DOCK3: variants seen among roughly 807,000 people sequenced by gnomAD.
The protein encoded by DOCK3 is dedicator of cytokinesis 3.
DOCK3 carries 60 observed loss-of-function variants against 265.6 expected under a neutral mutation model. That is an observed-to-expected ratio of 0.23 (90% CI 0.18 to 0.28). DOCK3 has a LOEUF of 0.28. Among genes scored for constraint, DOCK3 ranks in the 10% least tolerant of loss-of-function variants. The pLI is 1.00. For synonymous variants in DOCK3, 881 were observed against 938.0 expected, an observed-to-expected ratio of 0.94 and a Z score of 1.11; for missense variants, 1,981 against 2,594.3, an observed-to-expected ratio of 0.76 and a Z score of 5.14.
At chr3:51,156,189 CA>C (rs1261497893) in intron 10 of DOCK3, among the ~76,000 whole-genome samples, 2 of 151,536 alleles carry the variant, frequency 1.3e-5, no homozygotes, top group African/African-American at 4.8e-5. Context: ...CATTATCTCC[CA>C]AAAAAAAGGA....
At chr3:51,264,301 G>C (rs544225723) in intron 23 of DOCK3, among the ~76,000 whole-genome samples, 1 of 152,252 alleles carries the variant, frequency 6.6e-6, no homozygotes, top group East Asian at 1.9e-4. Context: ...ACCTGCTCCT[G>C]AATGACTACT....
chr3:50,721,116 C>T (rs2037453814), intron 1 of DOCK3, among the ~76,000 whole-genome samples: 1 of 151,814 alleles, frequency 6.6e-6, no homozygotes, highest in African/African-American at 2.4e-5. Context: ...TTGTTGGATG[C>T]ATAGTTTGCA....
chr3:51,188,841 A>G (rs915823112), intron 12 of DOCK3, among the ~76,000 whole-genome samples: 1 of 151,612 alleles, frequency 6.6e-6, no homozygotes. Flanking sequence ...TTATCTGTTC[A>G]TTCATTGAAC....
intron 4 of DOCK3, among the ~76,000 whole-genome samples, chr3:50,906,760 T>G (rs2049529686): frequency 6.6e-6 from 1 of 152,132 alleles, no homozygotes; most frequent in Non-Finnish European, 1.5e-5. Flanking sequence ...TCTCCTTCAG[T>G]TCTGCTCTGA....
chr3:50,990,204 A>G (rs2078056240), intron 5 of DOCK3, among the ~76,000 whole-genome samples: 1 of 152,198 alleles, frequency 6.6e-6, no homozygotes, highest in Admixed American at 6.5e-5. Flanking sequence ...AGGCAGGGGG[A>G]GAAAGTAAAA....
intron 14 of DOCK3, among the ~76,000 whole-genome samples, chr3:51,217,172 G>T (rs2089835715): frequency 6.6e-6 from 1 of 151,352 alleles, no homozygotes; most frequent in African/African-American, 2.4e-5. Flanking sequence ...TTTTGGTCAG[G>T]ATGGCCCAGA....
At chr3:51,148,223 T>G (rs1017371007) in intron 10 of DOCK3, among the ~76,000 whole-genome samples, 1 of 152,246 alleles carries the variant, frequency 6.6e-6, no homozygotes, top group Admixed American at 6.5e-5. Context: ...TTTAATTTCT[T>G]TGTAGATTCT....
intron 4 of DOCK3, among the ~76,000 whole-genome samples, chr3:50,895,679 C>T (rs1169580156): frequency 4.6e-5 from 7 of 152,096 alleles, no homozygotes; most frequent in Non-Finnish European, 1.0e-4. Context: ...CCCCAACCCC[C>T]AACAGGCCCC....
At chr3:51,197,457 C>G (rs1406914136) in intron 12 of DOCK3, among the ~76,000 whole-genome samples, 1 of 152,096 alleles carries the variant, frequency 6.6e-6, no homozygotes. Flanking sequence ...TTGGTGGTGG[C>G]TCTGATGGGC....
Position 51,348,833 on chromosome 3 carries a change from G to A in DOCK3, c.3916-19G>A. 6.4e-7 allele frequency: 1 copy of A among 1,561,150 alleles called. No individual in the cohort carries two copies. The highest frequency in any genetic ancestry group is 8.7e-7 in the Non-Finnish European group (1 of 1,152,128). ...TCTGAAGATGAGATGCTGAAGCCCT[G>A]TTTCTGTTTCTGACACAGAGCTGGG... is the stretch of plus-strand genomic sequence containing the variant. On this transcript the variant is annotated intron_variant, in intron 38 of 52. Coordinates refer to ENST00000266037, the MANE Select transcript of DOCK3 (RefSeq NM_004947.5).
chr3:50,930,663 C>A (rs1426666464), intron 4 of DOCK3, among the ~76,000 whole-genome samples: 2 of 152,232 alleles, frequency 1.3e-5, no homozygotes, highest in African/African-American at 4.8e-5. Flanking sequence ...TGGCTTGGGG[C>A]CCTGCCCAGG....
At chr3:50,843,838 TACTA>T (rs2045956490) in intron 3 of DOCK3, among the ~76,000 whole-genome samples, 1 of 152,226 alleles carries the variant, frequency 6.6e-6, no homozygotes, top group African/African-American at 2.4e-5. Context: ...AAGACAGTAT[TACTA>T]ACTGAATTTC....
At chr3:50,778,838 T>A in intron 2 of DOCK3, 80 bp downstream of exon 2, 1 of 965,978 alleles carries the variant, frequency 1.0e-6, no homozygotes, top group South Asian at 2.1e-5. Context: ...CTAATAAGAT[T>A]ATAAGCAATA....
chr3:50,892,155 C>T (rs544052734), intron 4 of DOCK3, among the ~76,000 whole-genome samples: 1 of 152,154 alleles, frequency 6.6e-6, no homozygotes, highest in African/African-American at 2.4e-5. Flanking sequence ...TCTTGAGAGG[C>T]TATGATCTTT....
At position 51,333,256 on chromosome 3, in the gene DOCK3, A is replaced by G. The variant is rs766727928; in HGVS notation, c.3611+3A>G. The G allele has an allele frequency of 2.5e-6, 4 of 1,611,984 alleles. No individual in the cohort carries two copies. The highest frequency in any genetic ancestry group is 1.7e-6 in the Non-Finnish European group (2 of 1,179,696). On this transcript the variant is annotated splice_donor_region_variant and intron_variant, in intron 35 of 52. Coordinates refer to ENST00000266037, the MANE Select transcript of DOCK3 (RefSeq NM_004947.5). Reference sequence around the variant, plus strand: ...ATGGAACGTCTTCTTGACTACAGGTATCTTCTCAGCCACCCGCTCCCCTCT... The same window carrying G: ...ATGGAACGTCTTCTTGACTACAGGTGTCTTCTCAGCCACCCGCTCCCCTCT...
intron 22 of DOCK3, among the ~76,000 whole-genome samples, chr3:51,251,805 A>G (rs1382251365): frequency 1.3e-5 from 2 of 152,138 alleles, no homozygotes; most frequent in African/African-American, 4.8e-5. Flanking sequence ...CTCCTATTCT[A>G]TAGCTTGCCT....
At chr3:51,025,807 TTTA>T (rs2079789680) in intron 5 of DOCK3, among the ~76,000 whole-genome samples, 1 of 152,156 alleles carries the variant, frequency 6.6e-6, no homozygotes, top group Admixed American at 6.5e-5. Flanking sequence ...TGCTTCTACT[TTTA>T]TATTTTATGC....
Position 51,340,609 on chromosome 3 carries a change from T to C in DOCK3, c.3767-628T>C, listed in dbSNP as rs1259455463. Among the ~76,000 whole-genome samples, 3 of 152,192 alleles carry C rather than the reference T, an allele frequency of 2.0e-5. No homozygotes were observed. The East Asian group carries it at 5.8e-4, about 29-fold the overall frequency. On this transcript the variant is annotated intron_variant, in intron 37 of 52. Coordinates refer to ENST00000266037, the MANE Select transcript of DOCK3 (RefSeq NM_004947.5). ...AACTAACTAACTTGCCAGTAGGAGA[T>C]GCCCACTAAAAATGAACAAATAGAA...
chr3:50,970,073 A>AAAAAGAAAAGAAAAG (rs143144467), intron 5 of DOCK3, among the ~76,000 whole-genome samples: 1 of 151,646 alleles, frequency 6.6e-6, no homozygotes, highest in Non-Finnish European at 1.5e-5. Context: ...CTCCATCTTA[A>AAAAAGAAAAGAAAAG]AAAAGAAAAG....
Sources: allele counts gnomAD v4.1 joint callset (sites outside exome capture counted in the v4.1 genomes callset), GRCh38; gene constraint gnomAD v4.1.1; transcripts MANE v1.5; gene names NCBI Gene and HGNC (gene_info 2026-07-23, HGNC 2026-07-21).